The following GAS7 variants were observed in gnomAD, a reference collection of about 807,000 sequenced individuals.
GAS7 encodes the protein growth arrest specific 7.
Under a neutral mutation model 71.1 loss-of-function variants are expected in GAS7, and 28 were observed. The ratio of observed to expected loss-of-function variants is 0.39; its 90% CI spans 0.29 to 0.54. The LOEUF (loss-of-function observed/expected upper bound fraction) is 0.54, where lower values mean the gene tolerates loss of function less well. Ranked by LOEUF, GAS7 falls within the 20% of genes least tolerant of loss-of-function variation. The pLI is 0.62. For synonymous variants in GAS7, 258 were observed against 245.8 expected (o/e 1.05, Z -0.46); for missense variants, 436 against 627.8 (o/e 0.69, Z 3.27).
At chr17:10,185,687 T>C (rs372931706) in intron 1 of GAS7, among the ~76,000 whole-genome samples, 10 of 152,318 alleles carry the variant, frequency 6.6e-5, no homozygotes, top group South Asian at 6.2e-4. Flanking sequence ...TGGGGCACTC[T>C]TGTGGGACTG....
chr17:10,088,877 G>A (rs1443181939), intron 1 of GAS7, among the ~76,000 whole-genome samples: 1 of 152,078 alleles, frequency 6.6e-6, no homozygotes, highest in African/African-American at 2.4e-5. Context: ...GAATTAGGAG[G>A]CCGGGCATGG....
intron 1 of GAS7, among the ~76,000 whole-genome samples, chr17:10,091,967 T>TAA (rs11429483): frequency 0.024 from 3,497 of 147,714 alleles, 133 homozygotes; most frequent in African/African-American, 0.077. Flanking sequence ...TGTCTCAATT[T>TAA]AAAAAAAAAA....
chr17:9,953,704 C>T (rs1389285019), intron 5 of GAS7, among the ~76,000 whole-genome samples: 1 of 152,256 alleles, frequency 6.6e-6, no homozygotes, highest in Admixed American at 6.5e-5. Flanking sequence ...GTGCCACGTG[C>T]TACGCTAGCT....
chr17:10,100,274 G>A (rs897122205), intron 1 of GAS7, among the ~76,000 whole-genome samples: 1 of 152,144 alleles, frequency 6.6e-6, no homozygotes. Flanking sequence ...CATGTTGCCG[G>A]ACACTCAAAG....
In GAS7 at chr17:10,034,302, ATACT is replaced by A. The variant is rs1190258824; in HGVS notation, c.184-14409_184-14406del. 2 of 735,868 alleles carry A rather than the reference ATACT, an allele frequency of 2.7e-6. No individual in the cohort carries two copies. The highest frequency in any genetic ancestry group is 3.3e-6 in the Non-Finnish European group (2 of 604,172). The allele number at this position is 735,868 out of a possible 1,614,324, so 45.6% of individuals were successfully genotyped here. ...TTCATATATACATATATATAGCCTA[ATACT>A]TAATAATTCTTTTTTTTTTTTTTAG... On this transcript the variant is annotated intron_variant, in intron 1 of 13. Coordinates refer to ENST00000432992, the MANE Select transcript of GAS7 (RefSeq NM_201433.2). The surrounding 1 kb of genome is among the most constrained non-coding windows in gnomAD (Gnocchi z 4.4).
Position 9,926,627 on chromosome 17 carries a change from C to T in GAS7, c.1014+14G>A, listed in dbSNP as rs8074820. The T allele has an allele frequency of 7.1e-4, 1,144 of 1,612,284 alleles. 7 individuals are homozygous for T. The African/African-American group carries it at 0.013, about 18-fold the overall frequency. On this transcript the variant is annotated intron_variant, in intron 10 of 13. Transcript: ENST00000432992. The surrounding 1 kb of genome is among the most constrained non-coding windows in gnomAD (Gnocchi z 5.0). ...CCATGCACCTGCCCTGGCCCAGCGT[C>T]CTGGGCCTCTCACCTTCTCCACCGA...
chr17:10,155,260 C>A lies in GAS7; in HGVS notation c.183+42948G>T, dbSNP rs564229892. On this transcript the variant is annotated intron_variant, in intron 1 of 13. Transcript: ENST00000432992. ...CGAACTCCTGACCTCAGGTGATCCA[C>A]CCATCTCGGCCTCCCAAAGTGCTGG... Among the ~76,000 whole-genome samples the A allele has an allele frequency of 1.5e-4, 23 of 152,234 alleles. No individual in the cohort carries two copies. In the South Asian group the frequency reaches 4.6e-3, roughly 30 times the overall value.
At chr17:10,095,361 C>G (rs2073630000) in intron 1 of GAS7, among the ~76,000 whole-genome samples, 1 of 152,208 alleles carries the variant, frequency 6.6e-6, no homozygotes, top group Admixed American at 6.5e-5. Flanking sequence ...GAAGGAACTG[C>G]TATCCCAAAT....
intron 1 of GAS7, among the ~76,000 whole-genome samples, chr17:10,106,461 C>T (rs1258815375): frequency 2.6e-5 from 4 of 152,306 alleles, no homozygotes; most frequent in African/African-American, 9.6e-5. Flanking sequence ...TCAGAATCAC[C>T]GGGAGAGCTA....
In GAS7 at chr17:9,935,973, G is replaced by A. The variant is rs145468389; in HGVS notation, c.807-1729C>T. Among the ~76,000 whole-genome samples, 770 of 152,330 alleles carry A rather than the reference G, an allele frequency of 5.1e-3. 23 individuals carry two copies. Among genetic ancestry groups the A allele is most frequent in the Admixed American group, 0.043 (662 of 15,306 alleles). ...AGTCCTGGCAGTTACACAGATCAGC[G>A]GAACAGAACACAAAGTCACCCAGCT... On this transcript the variant is annotated intron_variant, in intron 8 of 13. Coordinates refer to ENST00000432992, the MANE Select transcript of GAS7 (RefSeq NM_201433.2).
At chr17:9,987,083 T>A (rs1000337663) in intron 2 of GAS7, among the ~76,000 whole-genome samples, 1 of 152,234 alleles carries the variant, frequency 6.6e-6, no homozygotes, top group Non-Finnish European at 1.5e-5. Flanking sequence ...ACAGTAAGAC[T>A]GAAGCGGCAG....
chr17:10,088,728 G>A (rs374793367), intron 1 of GAS7, among the ~76,000 whole-genome samples: 1 of 152,044 alleles, frequency 6.6e-6, no homozygotes, highest in African/African-American at 2.4e-5. Flanking sequence ...TGGAAGGGAG[G>A]GAAAATGCAA....
In GAS7 at chr17:9,913,768, G is replaced by A. The variant is rs1458759698; in HGVS notation, c.*3460C>T. 5 of 231,538 alleles carry A rather than the reference G, an allele frequency of 2.2e-5. No individual in the cohort carries two copies. The highest frequency in any genetic ancestry group is 1.1e-4 in the African/African-American group (5 of 45,234). 14.3% of individuals were successfully genotyped at this position (231,538 alleles called of 1,614,324 possible). A position where few individuals can be genotyped will look rare whatever the true frequency, so the allele number is the denominator to read the frequency against. On this transcript the variant is annotated 3_prime_UTR_variant, in exon 14 of 14. Transcript: ENST00000432992. ...CTGAAAGCACTAGAAAGAATAGAGG[G>A]TAACAAGTGGCTCTTCCTGGAGGTT...
chr17:9,917,218 A>C lies in GAS7; in HGVS notation c.*10T>G. ...CCCCAGCAGGACCCCCCGAAGCTGC[A>C]CAGGCCCATCTAGATCTCCATGTCC... On this transcript the variant is annotated 3_prime_UTR_variant, in exon 14 of 14. Transcript: ENST00000432992. 31 of 1,379,484 alleles carry C rather than the reference A, an allele frequency of 2.2e-5. No individual in the cohort carries two copies. Among genetic ancestry groups the C allele is most frequent in the Non-Finnish European group, 2.8e-5 (27 of 965,742 alleles). The allele number at this position is 1,379,484 out of a possible 1,614,324, so 85.5% of individuals were successfully genotyped here.
intron 8 of GAS7, among the ~76,000 whole-genome samples, chr17:9,939,902 C>T (rs542698842): frequency 1.5e-4 from 23 of 152,302 alleles, no homozygotes; most frequent in South Asian, 6.2e-4. Context: ...GCCACCCGCC[C>T]GGCTGGAAGT....
intron 1 of GAS7, among the ~76,000 whole-genome samples, chr17:10,112,512 G>A (rs950052840): frequency 5.9e-5 from 9 of 152,196 alleles, no homozygotes; most frequent in Non-Finnish European, 8.8e-5. Context: ...GAGGTGGGTG[G>A]ATCACCTGAG....
chr17:9,911,479 C>T lies in GAS7; in HGVS notation c.*5749G>A, dbSNP rs1330925516. ...CACACGCAATCTCCAAAGGCCATCG[C>T]CCCAACCTCACCCCACCCCCAGAGA... On this transcript the variant is annotated 3_prime_UTR_variant, in exon 14 of 14. Transcript: ENST00000432992. This position sits in a 1 kb window ranked among gnomAD's most constrained non-coding sequence, Gnocchi z 4.0. 2.6e-5 allele frequency: 6 copies of T among 233,392 alleles called. No homozygotes were observed. The highest frequency in any genetic ancestry group is 4.2e-5 in the Non-Finnish European group (5 of 118,182). 14.5% of individuals were successfully genotyped at this position (233,392 alleles called of 1,614,324 possible).
chr17:10,156,207 T>C (rs1163145415), intron 1 of GAS7, among the ~76,000 whole-genome samples: 2 of 152,202 alleles, frequency 1.3e-5, no homozygotes, highest in African/African-American at 2.4e-5. Context: ...TCCAAACCTC[T>C]ACCCTGGGGA....
intron 3 of GAS7, among the ~76,000 whole-genome samples, chr17:9,971,990 T>C (rs1412737533): frequency 6.6e-6 from 1 of 152,178 alleles, no homozygotes; most frequent in African/African-American, 2.4e-5. Context: ...CAGGGCCACA[T>C]GCAGCTGAGT....
Sources: allele counts gnomAD v4.1 joint callset (sites outside exome capture counted in the v4.1 genomes callset), GRCh38; gene constraint gnomAD v4.1.1; non-coding constraint Gnocchi (gnomAD v3.1); transcripts MANE v1.5; gene names NCBI Gene and HGNC (gene_info 2026-07-23, HGNC 2026-07-21).